Variants in R3HDM2 observed in about 807,000 individuals in gnomAD.
R3HDM2 encodes the protein R3H domain containing 2.
R3HDM2 carries 38 observed loss-of-function variants against 124.5 expected under a neutral mutation model. The observed-to-expected ratio is 0.31, with a 90% CI of 0.24 to 0.40. The LOEUF (loss-of-function observed/expected upper bound fraction) is 0.40. R3HDM2 is among the 10% of genes least tolerant of loss of function. The pLI is 1.00. For missense variants in R3HDM2, 869 were observed against 1,236.9 expected, an observed-to-expected ratio of 0.70 and a Z score of 4.46; for synonymous variants, 391 against 448.0, an observed-to-expected ratio of 0.87 and a Z score of 1.61.
intron 2 of R3HDM2, among the ~76,000 whole-genome samples, chr12:57,385,814 C>G (rs946334526): frequency 2.0e-5 from 3 of 152,200 alleles, no homozygotes; most frequent in Non-Finnish European, 4.4e-5. Flanking sequence ...CCTGGAACCC[C>G]TGGGAATCCC....
intron 2 of R3HDM2, among the ~76,000 whole-genome samples, chr12:57,394,268 G>C (rs2067158925): frequency 6.6e-6 from 1 of 151,770 alleles, no homozygotes; most frequent in Non-Finnish European, 1.5e-5. Flanking sequence ...CTGCACTCCA[G>C]CCTGGGTGAC....
chr12:57,353,589 A>G (rs1052359358), intron 2 of R3HDM2, among the ~76,000 whole-genome samples: 3 of 151,634 alleles, frequency 2.0e-5, no homozygotes, highest in African/African-American at 7.3e-5. Context: ...ATTTATTTTT[A>G]TTTTTTTTAG....
chr12:57,427,636 C>T (rs1474373829), intron 1 of R3HDM2, among the ~76,000 whole-genome samples: 1 of 151,110 alleles, frequency 6.6e-6, no homozygotes, highest in Non-Finnish European at 1.5e-5. Context: ...AGGTGTGAGC[C>T]ACTGCGCCTG....
chr12:57,416,471 T>C (rs537482), intron 1 of R3HDM2, among the ~76,000 whole-genome samples: 66,109 of 151,964 alleles, frequency 0.44, 15,129 homozygotes, highest in South Asian at 0.52. Context: ...GGCTGCCCAA[T>C]AGAAACTTGC....
intron 2 of R3HDM2, among the ~76,000 whole-genome samples, chr12:57,342,855 G>A (rs545867043): frequency 4.1e-4 from 62 of 152,122 alleles, no homozygotes; most frequent in Non-Finnish European, 7.9e-4. Flanking sequence ...TCTTGCCAGC[G>A]AGCTATATTT....
chr12:57,336,459 T>C (rs191346085), intron 2 of R3HDM2, among the ~76,000 whole-genome samples: 82 of 152,242 alleles, frequency 5.4e-4, no homozygotes, highest in Admixed American at 7.9e-4. Flanking sequence ...ATGTGGTACA[T>C]ACACCATGGA....
intron 2 of R3HDM2, among the ~76,000 whole-genome samples, chr12:57,393,318 G>T (rs1318460093): frequency 6.6e-6 from 1 of 151,646 alleles, no homozygotes; most frequent in Non-Finnish European, 1.5e-5. Context: ...TGGCCAGACT[G>T]GTCTAGAACT....
intron 14 of R3HDM2, among the ~76,000 whole-genome samples, chr12:57,279,605 C>T (rs2045679447): frequency 6.6e-6 from 1 of 151,158 alleles, no homozygotes; most frequent in Non-Finnish European, 1.5e-5. Context: ...AAGTTTGAGA[C>T]CAGCCTAGGC....
At chr12:57,256,132 C>T (rs1565811654) in intron 22 of R3HDM2, 58 bp from the exon 23 acceptor site, 2 of 1,515,436 alleles carry the variant, frequency 1.3e-6, no homozygotes, top group Non-Finnish European at 1.8e-6. Context: ...TGCCTTGCAT[C>T]AGAATGTCTG....
At chr12:57,320,029 G>A (rs1352208130) in intron 2 of R3HDM2, among the ~76,000 whole-genome samples, 1 of 151,986 alleles carries the variant, frequency 6.6e-6, no homozygotes, top group African/African-American at 2.4e-5. Context: ...ACTTTGGGAG[G>A]CGGGCGGATC....
chr12:57,389,003 A>G (rs1056106989), intron 2 of R3HDM2, among the ~76,000 whole-genome samples: 4 of 152,144 alleles, frequency 2.6e-5, no homozygotes, highest in Non-Finnish European at 5.9e-5. Flanking sequence ...TTTCTCATAT[A>G]ATACTTTTTT....
intron 2 of R3HDM2, among the ~76,000 whole-genome samples, chr12:57,340,046 GA>G (rs1437108256): frequency 6.6e-6 from 1 of 152,078 alleles, no homozygotes; most frequent in Non-Finnish European, 1.5e-5. Flanking sequence ...TTGATGGTTA[GA>G]AAATAAAAGA....
intron 1 of R3HDM2, among the ~76,000 whole-genome samples, chr12:57,407,445 G>A (rs2068628274): frequency 6.6e-6 from 1 of 150,422 alleles, no homozygotes; most frequent in African/African-American, 2.4e-5. Flanking sequence ...TCACTCTGTT[G>A]CCCAGGCTGG....
chr12:57,256,822 C>CTT (rs757111053), intron 21 of R3HDM2, among the ~76,000 whole-genome samples: 8,584 of 141,092 alleles, frequency 0.061, 351 homozygotes, highest in East Asian at 0.2. Context: ...TTTTATCTCT[C>CTT]TTTTTTTTTT....
intron 2 of R3HDM2, among the ~76,000 whole-genome samples, chr12:57,356,218 A>C (rs559317615): frequency 6.6e-6 from 1 of 152,134 alleles, no homozygotes; most frequent in Non-Finnish European, 1.5e-5. Flanking sequence ...AATGCCCTCT[A>C]TCCAATTGAA....
At chr12:57,363,945 C>A (rs1160245506) in intron 2 of R3HDM2, among the ~76,000 whole-genome samples, 1 of 151,622 alleles carries the variant, frequency 6.6e-6, no homozygotes, top group African/African-American at 2.4e-5. Context: ...TTTTGCCCAT[C>A]CTGGACAGTT....
At chr12:57,404,506 G>A (rs2068345861) in intron 1 of R3HDM2, among the ~76,000 whole-genome samples, 1 of 151,086 alleles carries the variant, frequency 6.6e-6, no homozygotes, top group Non-Finnish European at 1.5e-5. Flanking sequence ...GACCATCCTG[G>A]CCAACATGGT....
intron 2 of R3HDM2, among the ~76,000 whole-genome samples, chr12:57,377,452 A>G (rs2064243721): frequency 6.6e-6 from 1 of 151,980 alleles, no homozygotes; most frequent in South Asian, 2.1e-4. Context: ...GGAGTCATGA[A>G]GAGATAACTG....
chr12:57,295,951 C>T lies in R3HDM2; in HGVS notation c.702-444G>A, dbSNP rs543076864. On this transcript the variant is annotated intron_variant, in intron 9 of 23. Transcript: ENST00000402412. ...ATGGCGTGATCTTGGCTCACTCCAA[C>T]CTCTGCCACTGGGGTTCAAGTGATT... Among the ~76,000 whole-genome samples, 4 of 152,294 alleles carry T rather than the reference C, an allele frequency of 2.6e-5. No homozygotes were observed. In the South Asian group the frequency reaches 8.3e-4, roughly 32 times the overall value.
Sources: allele counts gnomAD v4.1 joint callset (sites outside exome capture counted in the v4.1 genomes callset), GRCh38; gene constraint gnomAD v4.1.1; transcripts MANE v1.5; gene names NCBI Gene and HGNC (gene_info 2026-07-23, HGNC 2026-07-21).